The following TDRD9 variants were observed in gnomAD, a reference collection of about 807,000 sequenced individuals.
TDRD9 encodes tudor domain containing 9, also known as ATP-dependent RNA helicase TDRD9.
A neutral mutation model predicts 172.6 loss-of-function variants in TDRD9; 124 were observed. That is an observed-to-expected ratio of 0.72 (90% confidence interval 0.62 to 0.83). TDRD9 has a LOEUF of 0.83. Among genes scored for constraint, TDRD9 ranks in the 40% least tolerant of loss-of-function variants. The pLI is 0.00. For synonymous variants in TDRD9, 619 were observed against 617.1 expected, an observed-to-expected ratio of 1.00 and a Z score of -0.05; for missense variants, 1,479 against 1,714.1, an observed-to-expected ratio of 0.86 and a Z score of 2.42.
intron 13 of TDRD9, among the ~76,000 whole-genome samples, chr14:104,003,182 T>G (rs2034320436): frequency 1.3e-5 from 2 of 152,084 alleles, no homozygotes; most frequent in African/African-American, 2.4e-5. Flanking sequence ...GCCAAGAGAT[T>G]GAGACAGTGA....
At position 103,995,705 on chromosome 14, in the gene TDRD9, C is replaced by A. The variant is rs935697140; in HGVS notation, c.1321-45C>A. 6.0e-6 allele frequency: 9 copies of A among 1,510,578 alleles called. No individual in the cohort carries two copies. In the African/African-American group the frequency reaches 1.1e-4, roughly 19 times the overall value. The allele number at this position is 1,510,578 out of a possible 1,614,324, so 93.6% of individuals were successfully genotyped here. ...TTTGTAAACTTTGCCTAATGATGTT[C>A]GGAATATAGTAGGAATGTCAGCTTT... On this transcript the variant is annotated intron_variant, in intron 11 of 35. Transcript: ENST00000409874.
intron 1 of TDRD9, chr14:103,941,970 G>C (rs951433662): frequency 7.9e-6 from 3 of 381,946 alleles, no homozygotes; most frequent in Non-Finnish European, 1.4e-5. Flanking sequence ...AATGATATCC[G>C]AAAATAACAC....
At position 103,947,288 on chromosome 14, in the gene TDRD9, G is replaced by GT. The variant is rs1296860692; in HGVS notation, c.216-8368dup. Among the ~76,000 whole-genome samples, 12 of 150,142 alleles carry GT rather than the reference G, an allele frequency of 8.0e-5. No homozygotes were observed. The South Asian group carries it at 1.3e-3, about 17-fold the overall frequency. On this transcript the variant is annotated intron_variant, in intron 1 of 35. Transcript: ENST00000409874. Reference sequence around the variant, plus strand: ...CCAATTAAGGGGAAAAGGACAGTTTGTTTTTTTTGTTTGTTTGTTTGTTTT... The same window carrying GT: ...CCAATTAAGGGGAAAAGGACAGTTTGTTTTTTTTTGTTTGTTTGTTTGTTTT...
At chr14:104,011,822 T>C (rs1441771831) in intron 20 of TDRD9, among the ~76,000 whole-genome samples, 1 of 152,188 alleles carries the variant, frequency 6.6e-6, no homozygotes, top group African/African-American at 2.4e-5. Flanking sequence ...GTTCACTGAT[T>C]GGCTAGAAGG....
intron 1 of TDRD9, among the ~76,000 whole-genome samples, chr14:103,951,691 C>G (rs1189442435): frequency 1.3e-5 from 2 of 152,210 alleles, no homozygotes; most frequent in Non-Finnish European, 2.9e-5. Context: ...AGTCCATTCT[C>G]TGGTACTAGC....
At chr14:103,974,602 T>C (rs1170314981) in intron 6 of TDRD9, among the ~76,000 whole-genome samples, 1 of 152,224 alleles carries the variant, frequency 6.6e-6, no homozygotes, top group East Asian at 1.9e-4. Flanking sequence ...GTCATTTCTC[T>C]GGAACACATC....
chr14:104,025,330 T>C (rs1446932027), intron 25 of TDRD9, among the ~76,000 whole-genome samples: 5 of 152,234 alleles, frequency 3.3e-5, no homozygotes, highest in Non-Finnish European at 7.3e-5. Flanking sequence ...GAATGAGTCT[T>C]GTACCGCCAA....
In TDRD9 at chr14:103,991,178, G is replaced by A. The variant is rs1238512858; in HGVS notation, c.1134G>A (p.Gly378=). The A allele has an allele frequency of 5.6e-6, 9 of 1,613,936 alleles. No homozygotes were observed. In the South Asian group the frequency reaches 9.9e-5, roughly 18 times the overall value. Residue 378 remains glycine (G), a synonymous_variant, in exon 9 of 36, where the codon GGG becomes GGA. Transcript: ENST00000409874. ...TTAACAGGAACAAGGCTTGGTCGGG[G>A]GCCCAGTTTGTGTTGGAGCGAAGCA... ...MKESGNKAWS[G]AQFVLERSSV... is the part of the protein sequence containing the mutation.
intron 4 of TDRD9, among the ~76,000 whole-genome samples, chr14:103,965,983 G>C (rs538148774): frequency 6.6e-6 from 1 of 152,004 alleles, no homozygotes; most frequent in African/African-American, 2.4e-5. Context: ...AAAGAAACCA[G>C]CTGCTTATAG....
intron 14 of TDRD9, among the ~76,000 whole-genome samples, 171 bp downstream of exon 14, chr14:104,004,506 G>A (rs2152216128): frequency 6.6e-6 from 1 of 152,170 alleles, no homozygotes; most frequent in Non-Finnish European, 1.5e-5. Context: ...AGCCTCCCAA[G>A]TAGCTGGGAT....
intron 21 of TDRD9, among the ~76,000 whole-genome samples, chr14:104,015,699 G>C (rs2034768522): frequency 6.6e-6 from 1 of 152,148 alleles, no homozygotes; most frequent in Non-Finnish European, 1.5e-5. Context: ...TGTTCAACTT[G>C]CCACTGTTTC....
intron 1 of TDRD9, 200 bp downstream of exon 1, chr14:103,928,924 GTTTTTTTTTT>G: frequency 1.7e-5 from 2 of 117,720 alleles, no homozygotes; most frequent in East Asian, 2.4e-4. Flanking sequence ...TGAGCTAGAG[GTTTTTTTTTT>G]TTTTTTTTTT....
rs2035575688 is a variant in TDRD9, at chr14:104,040,295, T to C, written c.3816T>C (p.Leu1272=). 3 of 1,551,370 alleles carry C rather than the reference T, an allele frequency of 1.9e-6. No individual in the cohort carries two copies. The highest frequency in any genetic ancestry group is 2.4e-5 in the South Asian group (2 of 83,960). Residue 1272 remains leucine, a synonymous_variant, in exon 33 of 36, where the codon CTT becomes CTC. Coordinates refer to ENST00000409874, the MANE Select transcript of TDRD9 (RefSeq NM_153046.3). ...TACTGCCCGAGCACGACATGGAGCT[T>C]GCGTTTGACGTTCAATTCAGCGTGG... ...ASILPEHDME[L]AFDVQFSVED... is the part of the protein sequence containing the mutation.
At chr14:103,947,856 G>A (rs1418859470) in intron 1 of TDRD9, among the ~76,000 whole-genome samples, 3 of 151,924 alleles carry the variant, frequency 2.0e-5, no homozygotes, top group Non-Finnish European at 2.9e-5. Context: ...GGCAACAAAA[G>A]AAGAAAGACA....
intron 32 of TDRD9, among the ~76,000 whole-genome samples, chr14:104,036,287 G>A (rs1051441999): frequency 2.0e-5 from 3 of 152,140 alleles, no homozygotes; most frequent in East Asian, 3.8e-4. Context: ...AATTATACAT[G>A]CACTTGTTTC....
chr14:103,971,509 C>T (rs1480952014), intron 6 of TDRD9, among the ~76,000 whole-genome samples: 1 of 151,698 alleles, frequency 6.6e-6, no homozygotes, highest in Non-Finnish European at 1.5e-5. Flanking sequence ...TGGGGTTTTG[C>T]ACCAGGCTGG....
intron 13 of TDRD9, among the ~76,000 whole-genome samples, chr14:104,001,376 T>C (rs971751264): frequency 6.6e-6 from 1 of 152,268 alleles, no homozygotes; most frequent in African/African-American, 2.4e-5. Context: ...TTAGGAGCCA[T>C]CTAAGCCAAT....
Position 103,948,657 on chromosome 14 carries a change from G to A in TDRD9, c.216-7007G>A, listed in dbSNP as rs188016138. Among the ~76,000 whole-genome samples the A allele has an allele frequency of 2.7e-4, 41 of 152,140 alleles. No individual in the cohort carries two copies. In the South Asian group the frequency reaches 3.3e-3, roughly 12 times the overall value. On this transcript the variant is annotated intron_variant, in intron 1 of 35. Transcript: ENST00000409874. Reference sequence around the variant, plus strand: ...GAAAAGGAAGAAAATTCTGACATACGCTCTGACATAGATGAACCTTGAGGA... The same window carrying A: ...GAAAAGGAAGAAAATTCTGACATACACTCTGACATAGATGAACCTTGAGGA...
intron 4 of TDRD9, 137 bp from the exon 5 acceptor site, chr14:103,966,572 C>T (rs1403539717): frequency 1.0e-5 from 9 of 873,652 alleles, no homozygotes; most frequent in South Asian, 2.6e-5. Flanking sequence ...TTGAGAATGT[C>T]ACTTTTAATT....
Sources: allele counts gnomAD v4.1 joint callset (sites outside exome capture counted in the v4.1 genomes callset), GRCh38; gene constraint gnomAD v4.1.1; transcripts MANE v1.5; gene names NCBI Gene and HGNC (gene_info 2026-07-23, HGNC 2026-07-21).